The following USP32 variants were observed in gnomAD, a reference collection of about 807,000 sequenced individuals.
The protein encoded by USP32 is ubiquitin specific peptidase 32.
A neutral mutation model predicts 204.8 loss-of-function variants in USP32; 59 were observed. The observed-to-expected ratio is 0.29, with a 90% CI of 0.23 to 0.36. The LOEUF (loss-of-function observed/expected upper bound fraction) is 0.36, where lower values mean the gene tolerates loss of function less well. USP32 is among the 10% of genes least tolerant of loss of function. The probability of loss-of-function intolerance (pLI) is 1.00; values close to 1 mark genes in which losing one functional copy is unlikely to be tolerated. For missense variants in USP32, 1,160 were observed against 1,946.4 expected (o/e 0.60, Z 7.60); for synonymous variants, 517 against 678.4 (o/e 0.76, Z 3.70).
At chr17:60,285,956 GTGAAGC>G (rs2087099744) in intron 5 of USP32, among the ~76,000 whole-genome samples, 1 of 152,090 alleles carries the variant, frequency 6.6e-6, no homozygotes, top group Non-Finnish European at 1.5e-5. Flanking sequence ...GGCCAACACA[GTGAAGC>G]CCCGTCTCTA....
In USP32 at chr17:60,206,919, C is replaced by T. The variant is rs2084843106; in HGVS notation, c.3037+102G>A. ...GTTTCCCTTGGGTTCCAAAATTCTTCTGCTATAATATCCTCAGCATGAACA... is the reference window on the plus strand; with the variant it reads ...GTTTCCCTTGGGTTCCAAAATTCTTTTGCTATAATATCCTCAGCATGAACA... On this transcript the variant is annotated intron_variant, in intron 25 of 33. Transcript: ENST00000300896. 2.7e-6 allele frequency: 4 copies of T among 1,491,880 alleles called. No homozygotes were observed. The South Asian group carries it at 5.2e-5, about 20-fold the overall frequency. 92.4% of individuals were successfully genotyped at this position (1,491,880 alleles called of 1,614,324 possible). A position where few individuals can be genotyped will look rare whatever the true frequency, so the allele number is the denominator to read the frequency against.
At chr17:60,180,713 C>G in intron 32 of USP32, 76 bp from the exon 33 acceptor site, 1 of 1,359,600 alleles carries the variant, frequency 7.4e-7, no homozygotes, top group Non-Finnish European at 1.0e-6. Flanking sequence ...AGGATCTGAG[C>G]AGGAGAACAC....
chr17:60,331,386 C>A (rs1406616576), intron 2 of USP32, among the ~76,000 whole-genome samples: 4 of 151,418 alleles, frequency 2.6e-5, no homozygotes, highest in Admixed American at 6.6e-5. Context: ...GGGAACATGG[C>A]AAAACCCTAT....
chr17:60,253,536 C>T (rs150551007), intron 10 of USP32, among the ~76,000 whole-genome samples: 1 of 151,898 alleles, frequency 6.6e-6, no homozygotes, highest in South Asian at 2.1e-4. Context: ...GAGGCTGAGG[C>T]GGGCAGATCA....
At chr17:60,183,915 T>A (rs2145367358) in intron 30 of USP32, among the ~76,000 whole-genome samples, 1 of 152,326 alleles carries the variant, frequency 6.6e-6, no homozygotes, top group African/African-American at 2.4e-5. Context: ...AATATATACT[T>A]GTCAAAATTC....
chr17:60,324,403 G>A (rs1384826307), intron 2 of USP32, among the ~76,000 whole-genome samples: 3 of 151,852 alleles, frequency 2.0e-5, no homozygotes, highest in Admixed American at 6.6e-5. Flanking sequence ...GACTATCTCA[G>A]TGTCTTCCAC....
At chr17:60,210,323 CT>C (rs1377057511) in intron 21 of USP32, among the ~76,000 whole-genome samples, 2 of 139,890 alleles carry the variant, frequency 1.4e-5, no homozygotes, top group African/African-American at 5.3e-5. Flanking sequence ...TTTTTTTTTT[CT>C]TTTTGGAGAC....
chr17:60,307,718 C>T (rs750345039), intron 2 of USP32, among the ~76,000 whole-genome samples: 1 of 152,118 alleles, frequency 6.6e-6, no homozygotes, highest in Non-Finnish European at 1.5e-5. Flanking sequence ...CAGGCCTGTG[C>T]CCACAGACCT....
intron 2 of USP32, among the ~76,000 whole-genome samples, chr17:60,333,754 C>T (rs999179813): frequency 1.3e-5 from 2 of 151,894 alleles, no homozygotes; most frequent in Non-Finnish European, 2.9e-5. Flanking sequence ...GAAAGAAAAT[C>T]GTAAAGAAGA....
At chr17:60,347,041 G>A (rs920002508) in intron 1 of USP32, among the ~76,000 whole-genome samples, 1 of 152,128 alleles carries the variant, frequency 6.6e-6, no homozygotes, top group African/African-American at 2.4e-5. Context: ...AATTCAGATA[G>A]CTCACTCTAC....
At chr17:60,219,561 C>CT (rs751193414) in intron 16 of USP32, 109 bp downstream of exon 16, 19,933 of 687,686 alleles carry the variant, frequency 0.029, 76 homozygotes, top group South Asian at 0.038. Context: ...TAGTTTTCAC[C>CT]TTTTTTTTTT....
chr17:60,238,043 A>G (rs551633554), intron 11 of USP32, among the ~76,000 whole-genome samples: 1 of 152,334 alleles, frequency 6.6e-6, no homozygotes, highest in East Asian at 1.9e-4. Context: ...AATATATGAG[A>G]GTCCCTAATT....
chr17:60,332,957 T>C (rs940486424), intron 2 of USP32, among the ~76,000 whole-genome samples: 1 of 152,200 alleles, frequency 6.6e-6, no homozygotes, highest in African/African-American at 2.4e-5. Context: ...CATCTTACTC[T>C]ATGTATAGTA....
chr17:60,309,920 T>C (rs1291730785), intron 2 of USP32, among the ~76,000 whole-genome samples: 1 of 152,080 alleles, frequency 6.6e-6, no homozygotes, highest in Non-Finnish European at 1.5e-5. Context: ...GGCATGTGCC[T>C]GTAATCCAAG....
chr17:60,280,956 C>T (rs1406222627), intron 5 of USP32, among the ~76,000 whole-genome samples: 1 of 152,206 alleles, frequency 6.6e-6, no homozygotes, highest in Non-Finnish European at 1.5e-5. Context: ...GTAAGACTCA[C>T]TAAGAAAGTA....
intron 29 of USP32, chr17:60,186,017 C>T (rs565825872): frequency 9.5e-5 from 16 of 168,486 alleles, no homozygotes; most frequent in Non-Finnish European, 1.8e-4. Context: ...TACACCACTG[C>T]GCTCCAGCCT....
intron 9 of USP32, among the ~76,000 whole-genome samples, chr17:60,257,694 G>A (rs1449201954): frequency 6.6e-6 from 1 of 152,018 alleles, no homozygotes; most frequent in Non-Finnish European, 1.5e-5. Flanking sequence ...ATGTTGCCCA[G>A]GCTGGTCTTG....
At chr17:60,216,252 A>G (rs2085098612) in intron 16 of USP32, among the ~76,000 whole-genome samples, 1 of 150,478 alleles carries the variant, frequency 6.6e-6, no homozygotes, top group South Asian at 2.1e-4. Context: ...GAGGAGGGGT[A>G]TGAAATGACA....
chr17:60,410,933 G>T (rs934871871), intron 1 of USP32, among the ~76,000 whole-genome samples: 6 of 151,328 alleles, frequency 4.0e-5, no homozygotes, highest in African/African-American at 1.2e-4. Context: ...ACAAAAATTA[G>T]CCAGGCATGG....
Sources: allele counts gnomAD v4.1 joint callset (sites outside exome capture counted in the v4.1 genomes callset), GRCh38; gene constraint gnomAD v4.1.1; transcripts MANE v1.5; gene names NCBI Gene and HGNC (gene_info 2026-07-23, HGNC 2026-07-21).